The following UBE2W variants were observed in gnomAD, a reference collection of about 807,000 sequenced individuals.
The protein encoded by UBE2W is ubiquitin-conjugating enzyme E2 W.
UBE2W carries 18 observed loss-of-function variants against 27.2 expected under a neutral mutation model. The ratio of observed to expected loss-of-function variants is 0.66; its 90% CI spans 0.46 to 0.98. The LOEUF (loss-of-function observed/expected upper bound fraction) is 0.98. UBE2W is among the 50% of genes least tolerant of loss of function. UBE2W has a pLI of 0.00. For synonymous variants in UBE2W, 53 were observed against 57.2 expected (o/e 0.93, Z 0.33); for missense variants, 90 against 180.2 (o/e 0.50, Z 2.87).
chr8:73,870,369 G>A, intron 1 of UBE2W: 2 of 1,442,744 alleles, frequency 1.4e-6, no homozygotes, highest in Non-Finnish European at 1.9e-6. Context: ...TCCATTGATA[G>A]CTAGTGCAGG....
chr8:73,790,666 C>T lies in UBE2W; in HGVS notation c.*3436G>A. 1.0e-5 allele frequency: 10 copies of T among 982,666 alleles called. No homozygotes were observed. Among genetic ancestry groups the T allele is most frequent in the Non-Finnish European group, 1.2e-5 (10 of 827,456 alleles). The allele number at this position is 982,666 out of a possible 1,614,324, so 60.9% of individuals were successfully genotyped here. ...ATTTTTGTAACACACAGTACCTCCT[C>T]TTCTCTTCTATTTTTAGGAAGAAGT... On this transcript the variant is annotated 3_prime_UTR_variant, in exon 6 of 6. Coordinates refer to ENST00000602593, the MANE Select transcript of UBE2W (RefSeq NM_018299.6).
In UBE2W at chr8:73,793,053, A is replaced by G. The variant is rs767948856; in HGVS notation, c.*1049T>C. The G allele has an allele frequency of 5.1e-5, 50 of 985,498 alleles. No individual in the cohort carries two copies. Among genetic ancestry groups the G allele is most frequent in the Admixed American group, 6.1e-5 (1 of 16,270 alleles). 61.0% of individuals were successfully genotyped at this position (985,498 alleles called of 1,614,324 possible). A position where few individuals can be genotyped will look rare whatever the true frequency, so the allele number is the denominator to read the frequency against. On this transcript the variant is annotated 3_prime_UTR_variant, in exon 6 of 6. Transcript: ENST00000602593. The stretch of plus-strand genomic sequence containing the variant: ...TCACAAGTAAAGAAAATTTACAAGA[A>G]AAAACTTAACAAAAGTTTCAATAAA...
chr8:73,874,509 A>G (rs934603824), intron 1 of UBE2W, among the ~76,000 whole-genome samples: 2 of 152,346 alleles, frequency 1.3e-5, no homozygotes, highest in East Asian at 3.9e-4. Flanking sequence ...TTCACCTGAG[A>G]AAAGAATACC....
At chr8:73,834,951 A>G (rs536049823) in intron 1 of UBE2W, among the ~76,000 whole-genome samples, 19 of 152,256 alleles carry the variant, frequency 1.2e-4, no homozygotes, top group Admixed American at 3.9e-4. Flanking sequence ...ACAACAAAAA[A>G]GAGGTTTCCA....
intron 1 of UBE2W, among the ~76,000 whole-genome samples, chr8:73,840,065 T>C (rs1279982741): frequency 6.6e-6 from 1 of 151,270 alleles, no homozygotes; most frequent in Non-Finnish European, 1.5e-5. Context: ...CTTTTCTTTT[T>C]TTTCCCCCCA....
At position 73,793,998 on chromosome 8, in the gene UBE2W, T is replaced by C. The variant is rs1421973641; in HGVS notation, c.*104A>G. ...GTAAAAGGAAGTAGTCTTCATTGCC[T>C]ATAGGTCACTTCCAGTCAAAGGTTA... is the stretch of plus-strand genomic sequence containing the variant. On this transcript the variant is annotated 3_prime_UTR_variant, in exon 6 of 6. Coordinates refer to ENST00000602593, the MANE Select transcript of UBE2W (RefSeq NM_018299.6). 3.2e-6 allele frequency: 5 copies of C among 1,568,744 alleles called. No homozygotes were observed. Among genetic ancestry groups the C allele is most frequent in the Non-Finnish European group, 4.3e-6 (5 of 1,159,168 alleles).
chr8:73,784,017 T>C (rs1807892080), downstream of UBE2W, among the ~76,000 whole-genome samples: 1 of 152,072 alleles, frequency 6.6e-6, no homozygotes, highest in African/African-American at 2.4e-5. Context: ...TCCCAGAGTG[T>C]TGGGATTACA....
At chr8:73,815,514 T>C (rs1271516639) in intron 3 of UBE2W, among the ~76,000 whole-genome samples, 2 of 152,258 alleles carry the variant, frequency 1.3e-5, no homozygotes, top group African/African-American at 2.4e-5. Flanking sequence ...CACTTCTATA[T>C]GTTTATACAG....
intron 3 of UBE2W, among the ~76,000 whole-genome samples, chr8:73,823,928 A>G (rs1375823149): frequency 6.6e-6 from 1 of 152,230 alleles, no homozygotes. Context: ...AGTGACAATG[A>G]AATATGATTT....
At chr8:73,783,250 A>G (rs991044289), downstream of UBE2W, among the ~76,000 whole-genome samples, 6 of 152,180 alleles carry the variant, frequency 3.9e-5, no homozygotes, top group Non-Finnish European at 8.8e-5. Context: ...CGTCCAACTC[A>G]TTCTTTTAGA....
intron 1 of UBE2W, among the ~76,000 whole-genome samples, chr8:73,839,085 C>T (rs1475457062): frequency 1.3e-5 from 2 of 152,136 alleles, no homozygotes; most frequent in African/African-American, 4.8e-5. Context: ...TCTTTCCTTG[C>T]TTTGTGCATT....
At chr8:73,827,387 G>C (rs1032497300) in intron 2 of UBE2W, among the ~76,000 whole-genome samples, 4 of 151,794 alleles carry the variant, frequency 2.6e-5, no homozygotes, top group Non-Finnish European at 5.9e-5. Context: ...CTAATTTTTT[G>C]TATTTTTGTA....
At chr8:73,796,183 A>C (rs913375356) in intron 5 of UBE2W, among the ~76,000 whole-genome samples, 4 of 152,090 alleles carry the variant, frequency 2.6e-5, no homozygotes, top group African/African-American at 9.7e-5. Flanking sequence ...TAAGTTCCTT[A>C]AAACATCGCT....
intron 5 of UBE2W, among the ~76,000 whole-genome samples, chr8:73,803,885 G>A (rs905416847): frequency 1.3e-5 from 2 of 151,584 alleles, no homozygotes; most frequent in African/African-American, 4.8e-5. Context: ...TCCTGACTCG[G>A]CCTCCCGAGT....
At chr8:73,878,339 A>C (rs1450290310) in intron 1 of UBE2W, among the ~76,000 whole-genome samples, 1 of 152,214 alleles carries the variant, frequency 6.6e-6, no homozygotes, top group Non-Finnish European at 1.5e-5. Context: ...GTCCGCAGCC[A>C]GCCGCCTTCT....
At chr8:73,797,805 T>C (rs540690669) in intron 5 of UBE2W, among the ~76,000 whole-genome samples, 1 of 152,186 alleles carries the variant, frequency 6.6e-6, no homozygotes, top group African/African-American at 2.4e-5. Context: ...GCCAATTCAT[T>C]TCCTATGAGC....
intron 1 of UBE2W, among the ~76,000 whole-genome samples, chr8:73,848,277 G>C (rs935678556): frequency 1.3e-5 from 2 of 152,148 alleles, no homozygotes; most frequent in South Asian, 4.1e-4. Flanking sequence ...TTACAACACA[G>C]ATCATAGATC....
In UBE2W at chr8:73,798,631, G is replaced by C. The variant is rs1046075740; in HGVS notation, c.443-4516C>G. On this transcript the variant is annotated intron_variant, in intron 5 of 5. Transcript: ENST00000602593. ...TTGTATATGCCTGATACTGACCTCA[G>C]AAAACAAATGGACCATACAACTAAT... 2.0e-5 allele frequency among the ~76,000 whole-genome samples: 3 copies of C among 152,172 alleles called. 1 individual carries two copies. The South Asian group carries it at 6.2e-4, about 31-fold the overall frequency.
chr8:73,830,963 T>C (rs1262865251), intron 1 of UBE2W, among the ~76,000 whole-genome samples: 4 of 152,220 alleles, frequency 2.6e-5, no homozygotes, highest in Non-Finnish European at 2.9e-5. Context: ...TCACAATCTA[T>C]TGTCAAACTA....
Sources: allele counts gnomAD v4.1 joint callset (sites outside exome capture counted in the v4.1 genomes callset), GRCh38; gene constraint gnomAD v4.1.1; transcripts MANE v1.5; gene names NCBI Gene and HGNC (gene_info 2026-07-23, HGNC 2026-07-21).